FBXW10: variants seen among roughly 807,000 people sequenced by gnomAD.
FBXW10 encodes F-box/WD repeat-containing protein 10.
A neutral mutation model predicts 113.1 loss-of-function variants in FBXW10; 68 were observed. The ratio of observed to expected loss-of-function variants is 0.60; its 90% CI spans 0.49 to 0.74. FBXW10 has a LOEUF of 0.74. FBXW10 is among the 30% of genes least tolerant of loss of function. The pLI, the probability that FBXW10 is intolerant of heterozygous loss-of-function variation, is 0.00. For synonymous variants in FBXW10, 289 were observed against 481.6 expected (o/e 0.60, Z 5.24); for missense variants, 753 against 1,284.5 (o/e 0.59, Z 6.32).
At chr17:18,762,394 T>C (rs1302896270) in intron 7 of FBXW10, among the ~76,000 whole-genome samples, 1 of 150,102 alleles carries the variant, frequency 6.7e-6, no homozygotes, top group Non-Finnish European at 1.5e-5. Context: ...CTCGGCTCAC[T>C]GTAACCTCCG....
At chr17:18,757,045 T>C (rs1220796401) in intron 6 of FBXW10, among the ~76,000 whole-genome samples, 1 of 152,144 alleles carries the variant, frequency 6.6e-6, no homozygotes, top group Non-Finnish European at 1.5e-5. Context: ...AATTGCTCCT[T>C]ATATATATGT....
chr17:18,776,591 T>A (rs2035703980), intron 13 of FBXW10, among the ~76,000 whole-genome samples: 1 of 152,166 alleles, frequency 6.6e-6, no homozygotes, highest in Non-Finnish European at 1.5e-5. Flanking sequence ...GTCCTACGAG[T>A]GAAATTGCTA....
At chr17:18,776,702 C>T (rs1487070387) in intron 13 of FBXW10, among the ~76,000 whole-genome samples, 1 of 152,138 alleles carries the variant, frequency 6.6e-6, no homozygotes, top group Non-Finnish European at 1.5e-5. Context: ...ATATGAGAGA[C>T]CCCACTGCAT....
chr17:18,775,718 G>A (rs993099485), intron 13 of FBXW10, among the ~76,000 whole-genome samples: 1 of 152,180 alleles, frequency 6.6e-6, no homozygotes, highest in African/African-American at 2.4e-5. Flanking sequence ...AAGAGAGATG[G>A]GGATGCACCT....
chr17:18,760,860 C>A (rs1287889447), intron 7 of FBXW10, among the ~76,000 whole-genome samples: 1 of 147,930 alleles, frequency 6.8e-6, no homozygotes, highest in Non-Finnish European at 1.5e-5. Flanking sequence ...TTCTGTGATT[C>A]TTCCCTCTTC....
rs567273021 is a variant in FBXW10 at position 18,748,156 on chromosome 17, A to T, written c.670+51A>T. 5.0e-6 allele frequency: 8 copies of T among 1,608,212 alleles called. No individual in the cohort carries two copies. The South Asian group carries it at 8.8e-5, about 18-fold the overall frequency. ...CAATATGGGCTAGGTGCGGTGGCTC[A>T]TGCCTGTAATCCCAGCACTTTGGGA... On this transcript the variant is annotated intron_variant, in intron 2 of 13. Transcript: ENST00000395665.
At chr17:18,766,913 G>C in intron 9 of FBXW10, 51 bp downstream of exon 9, 1 of 1,508,840 alleles carries the variant, frequency 6.6e-7, no homozygotes, top group Non-Finnish European at 9.1e-7. Flanking sequence ...GGAGGAGATG[G>C]GTGGGCTCCC....
At position 18,748,424 on chromosome 17, in the gene FBXW10, A is replaced by AG. The variant is rs1314268849; in HGVS notation, c.670+319_670+320insG. Among the ~76,000 whole-genome samples the AG allele has an allele frequency of 2.7e-5, 4 of 149,198 alleles. No homozygotes were observed. In the South Asian group the frequency reaches 8.4e-4, roughly 31 times the overall value. ...AGACTGTCTCAAAAAAAAAAAAAAA[A>AG]AAAAAAAAGAAAGCCAATATGCAAC... On this transcript the variant is annotated intron_variant, in intron 2 of 13. Transcript: ENST00000395665.
At chr17:18,753,196 C>G (rs1400751449) in intron 5 of FBXW10, among the ~76,000 whole-genome samples, 1 of 152,208 alleles carries the variant, frequency 6.6e-6, no homozygotes, top group Non-Finnish European at 1.5e-5. Flanking sequence ...GGGGGACAGT[C>G]TCTTGGGTAA....
At chr17:18,746,295 G>C (rs1384987215) in intron 1 of FBXW10, among the ~76,000 whole-genome samples, 1 of 152,122 alleles carries the variant, frequency 6.6e-6, no homozygotes, top group African/African-American at 2.4e-5. Context: ...GTATCAGGAG[G>C]CAAGAGAATT....
intron 8 of FBXW10, among the ~76,000 whole-genome samples, chr17:18,765,417 C>T (rs1157847931): frequency 1.3e-5 from 2 of 152,230 alleles, no homozygotes; most frequent in African/African-American, 4.8e-5. Context: ...GATCCAGACT[C>T]CCTAGGTCCA....
At chr17:18,767,550 C>T (rs908421011) in intron 9 of FBXW10, among the ~76,000 whole-genome samples, 15 of 151,872 alleles carry the variant, frequency 9.9e-5, no homozygotes, top group African/African-American at 3.6e-4. Context: ...TTTCTCCATG[C>T]TCTCTAATGA....
intron 5 of FBXW10, among the ~76,000 whole-genome samples, chr17:18,755,093 T>G (rs1382233859): frequency 1.3e-5 from 2 of 151,490 alleles, no homozygotes; most frequent in Non-Finnish European, 2.9e-5. Context: ...TGAAACTCCG[T>G]CGCTGCTAAA....
At chr17:18,770,538 G>A (rs2035593243) in intron 11 of FBXW10, among the ~76,000 whole-genome samples, 1 of 151,876 alleles carries the variant, frequency 6.6e-6, no homozygotes, top group Non-Finnish European at 1.5e-5. Context: ...TCCCGACCTC[G>A]TGATCCACCC....
At position 18,756,124 on chromosome 17, in the gene FBXW10, G is replaced by T; in HGVS notation, c.1202G>T (p.Gly401Val). 6.2e-7 allele frequency: 1 copy of T among 1,613,924 alleles called. No individual in the cohort carries two copies. Among genetic ancestry groups the T allele is most frequent in the South Asian group, 1.1e-5 (1 of 91,052 alleles). ...ATAGAGGAGAGAAATGTTTTCTGTG[G>T]GACCTACAATGTTCGCATTCTCTCT... is the stretch of plus-strand genomic sequence containing the variant. ...VLIEERNVFC[G>V]TYNVRILSDT... The change falls in exon 6 of 14, where the codon GGG (glycine) becomes GTG (valine). Residue 401 changes from glycine (G) to valine (V), a missense_variant. Coordinates refer to ENST00000395665, the MANE Select transcript of FBXW10 (RefSeq NM_001267585.2).
At position 18,744,937 on chromosome 17, in the gene FBXW10, A is replaced by G; in HGVS notation, c.505+188A>G. On this transcript the variant is annotated intron_variant, in intron 1 of 13. Coordinates refer to ENST00000395665, the MANE Select transcript of FBXW10 (RefSeq NM_001267585.2). ...CTGTTTACCAAAGGAGAAATGACTG[A>G]GTGTAACTTCCTTCTTGAAAATGAT... 2.8e-6 allele frequency: 4 copies of G among 1,446,678 alleles called. No homozygotes were observed. In the South Asian group the frequency reaches 6.0e-5, roughly 22 times the overall value. 89.6% of individuals were successfully genotyped at this position (1,446,678 alleles called of 1,614,324 possible).
chr17:18,746,879 T>C (rs1303332332), intron 1 of FBXW10, among the ~76,000 whole-genome samples: 25 of 151,554 alleles, frequency 1.6e-4, no homozygotes, highest in Non-Finnish European at 2.8e-4. Context: ...CTATTTACAC[T>C]GGAGTTGTGT....
chr17:18,749,697 G>C (rs761557714), intron 2 of FBXW10, 25 bp from the exon 3 acceptor site: 1 of 1,595,506 alleles, frequency 6.3e-7, no homozygotes, highest in South Asian at 1.1e-5. Flanking sequence ...ACTCAACCAC[G>C]TACCTTTCTC....
At chr17:18,773,496 T>TTG (rs1392387612) in intron 12 of FBXW10, among the ~76,000 whole-genome samples, 3 of 152,030 alleles carry the variant, frequency 2.0e-5, no homozygotes, top group Non-Finnish European at 4.4e-5. Flanking sequence ...GTGTGTGTGT[T>TTG]TGTGTGTGTG....
Sources: gnomAD v4.1 joint callset for allele counts (sites outside exome capture counted in the v4.1 genomes callset) on GRCh38, gnomAD v4.1.1 for gene constraint, MANE v1.5 for transcripts, NCBI Gene and HGNC (gene_info 2026-07-23, HGNC 2026-07-21) for gene names.